The following KLF16 variants were observed in gnomAD, a reference collection of about 807,000 sequenced individuals.
KLF16 encodes the protein Krueppel-like factor 16.
A neutral mutation model predicts 6.1 loss-of-function variants in KLF16; 6 were observed. The ratio of observed to expected loss-of-function variants is 0.98; its 90% CI spans 0.54 to 1.93. KLF16 has a LOEUF of 1.93. Among genes scored for constraint, KLF16 ranks in the 30% most tolerant of loss-of-function variants. KLF16 has a pLI of 0.01. For synonymous variants in KLF16, 211 were observed against 176.5 expected, an observed-to-expected ratio of 1.20 and a Z score of -1.55; for missense variants, 355 against 363.8, an observed-to-expected ratio of 0.98 and a Z score of 0.20.
the KLF16 span, among the ~76,000 whole-genome samples, chr19:1,872,644 C>T: frequency 6.6e-3 from 1,000 of 152,310 alleles, 12 homozygotes; most frequent in African/African-American, 0.023. Context: ...GGGAGGTGCT[C>T]GCTGTCTGGC....
At chr19:1,867,969 C>T (rs1053245426), upstream of KLF16, among the ~76,000 whole-genome samples, 23 of 149,584 alleles carry the variant, frequency 1.5e-4, no homozygotes, top group Non-Finnish European at 2.8e-4. Context: ...TGTGCGTGCG[C>T]GCATGCACTG....
Position 1,854,378 on chromosome 19 carries a change from G to A in KLF16, c.*81C>T, listed in dbSNP as rs1342221037. ...TCAGGGTTTGCCCACGGCTGGAAGG[G>A]GCCCAGGCTCCCCGTGGGTCCTCAC... On this transcript the variant is annotated 3_prime_UTR_variant, in exon 2 of 2. Transcript: ENST00000250916. 2 of 1,357,504 alleles carry A rather than the reference G, an allele frequency of 1.5e-6. No individual in the cohort carries two copies. Among genetic ancestry groups the A allele is most frequent in the Non-Finnish European group, 9.4e-7 (1 of 1,062,146 alleles). The allele number at this position is 1,357,504 out of a possible 1,614,324, so 84.1% of individuals were successfully genotyped here.
chr19:1,860,844 A>G (rs1288606203), intron 1 of KLF16, among the ~76,000 whole-genome samples: 1 of 152,130 alleles, frequency 6.6e-6, no homozygotes, highest in Non-Finnish European at 1.5e-5. Flanking sequence ...GGAAAGCCAC[A>G]AGTATCCAAA....
the KLF16 span, among the ~76,000 whole-genome samples, chr19:1,874,674 T>C: frequency 7.8e-6 from 1 of 128,350 alleles, no homozygotes; most frequent in African/African-American, 3.0e-5. Flanking sequence ...CAAAGACTAA[T>C]GACAGATAGA....
the KLF16 span, among the ~76,000 whole-genome samples, chr19:1,871,479 C>T: frequency 2.0e-5 from 3 of 152,304 alleles, no homozygotes; most frequent in African/African-American, 4.8e-5. Context: ...AAGTCCCCAC[C>T]CCCCCGGGGC....
the KLF16 span, chr19:1,874,888 TTAAA>T: frequency 2.0e-5 from 3 of 152,038 alleles, no homozygotes; most frequent in Admixed American, 6.6e-5. Context: ...CAAATGGCTT[TTAAA>T]TAGTCAAACG....
In KLF16 at chr19:1,854,326, A is replaced by T; in HGVS notation, c.*133T>A. The T allele has an allele frequency of 8.8e-7, 1 of 1,138,794 alleles. No homozygotes were observed. The highest frequency in any genetic ancestry group is 1.1e-6 in the Non-Finnish European group (1 of 874,400). 70.5% of individuals were successfully genotyped at this position (1,138,794 alleles called of 1,614,324 possible). A position where few individuals can be genotyped will look rare whatever the true frequency, so the allele number is the denominator to read the frequency against. On this transcript the variant is annotated 3_prime_UTR_variant, in exon 2 of 2. Transcript: ENST00000250916. ...AGGTCCAGTCTCAGGCCCCCTCCTC[A>T]CTCTCTGGAGGGGGGCAGGGGTGTC... is the stretch of plus-strand genomic sequence containing the variant.
chr19:1,866,418 C>G (rs185499084), upstream of KLF16, among the ~76,000 whole-genome samples: 2 of 151,990 alleles, frequency 1.3e-5, no homozygotes, highest in Non-Finnish European at 2.9e-5. Context: ...CGAGACCAGC[C>G]TGACCAATAT....
chr19:1,861,708 G>C (rs542614014), intron 1 of KLF16: 1 of 152,308 alleles, frequency 6.6e-6, no homozygotes, highest in Admixed American at 6.5e-5. Context: ...AGAACAGAGA[G>C]GGGGCGGCCG....
At chr19:1,859,054 G>A (rs540978477) in intron 1 of KLF16, among the ~76,000 whole-genome samples, 3 of 152,188 alleles carry the variant, frequency 2.0e-5, no homozygotes, top group Admixed American at 2.0e-4. Context: ...GCGGTGGGTG[G>A]GGGAGGGCAG....
chr19:1,856,950 C>CGGGGGGGGGGGGGGGGGGGGGGGG (rs946961126), intron 1 of KLF16, among the ~76,000 whole-genome samples: 2 of 43,256 alleles, frequency 4.6e-5, no homozygotes, highest in Admixed American at 2.6e-4. Context: ...AGCAGGTTGC[C>CGGGGGGGGGGGGGGGGGGGGGGGG]GGGGTGGGGG....
chr19:1,863,065 T>C lies in KLF16; in HGVS notation c.433A>G (p.Lys145Glu). The C allele has an allele frequency of 7.1e-7, 1 of 1,405,096 alleles. No individual in the cohort carries two copies. The highest frequency in any genetic ancestry group is 9.4e-7 in the Non-Finnish European group (1 of 1,060,492). 87.0% of individuals were successfully genotyped at this position (1,405,096 alleles called of 1,614,324 possible). A position where few individuals can be genotyped will look rare whatever the true frequency, so the allele number is the denominator to read the frequency against. Reference sequence around the variant, plus strand: ...CCTGTGTGCGTCCGCAGGTGCGACTTTAGGTGCGAGGACTTGTAGTAGGCT... The same window carrying C: ...CCTGTGTGCGTCCGCAGGTGCGACTCTAGGTGCGAGGACTTGTAGTAGGCT... ...AKAYYKSSHL[K>E]SHLRTHTGER... The change falls in exon 1 of 2, where the codon AAG becomes GAG. Residue 145 changes from lysine to glutamate, a missense_variant. Coordinates refer to ENST00000250916, the MANE Select transcript of KLF16 (RefSeq NM_031918.4).
Position 1,854,884 on chromosome 19 carries a change from G to A in KLF16, c.458-124C>T. The A allele has an allele frequency of 2.9e-6, 3 of 1,025,678 alleles. No individual in the cohort carries two copies. In the South Asian group the frequency reaches 4.4e-5, roughly 15 times the overall value. The allele number at this position is 1,025,678 out of a possible 1,614,324, so 63.5% of individuals were successfully genotyped here. A position where few individuals can be genotyped will look rare whatever the true frequency, so the allele number is the denominator to read the frequency against. ...GTGCCGTTTTAGAGGCTGAGCTCTG[G>A]TGTGAGTTCAAAACATGGAGAAGCA... On this transcript the variant is annotated intron_variant, in intron 1 of 1. Transcript: ENST00000250916.
chr19:1,865,484 C>T (rs1000259883), upstream of KLF16, among the ~76,000 whole-genome samples: 6 of 152,240 alleles, frequency 3.9e-5, no homozygotes, highest in Admixed American at 3.9e-4. Context: ...GTTTCCTGGG[C>T]TTAGAGCAGA....
chr19:1,854,157 T>G lies in KLF16; in HGVS notation c.*302A>C. 50 of 304,804 alleles carry G rather than the reference T, an allele frequency of 1.6e-4. No homozygotes were observed. Among genetic ancestry groups the G allele is most frequent in the Non-Finnish European group, 1.9e-4 (32 of 167,768 alleles). 18.9% of individuals were successfully genotyped at this position (304,804 alleles called of 1,614,324 possible). On this transcript the variant is annotated 3_prime_UTR_variant, in exon 2 of 2. Transcript: ENST00000250916. Reference sequence around the variant, plus strand: ...ACCCCGGGAGGGGGGCAGCAGGGGGTGGTGGAGAGGAGAGGGGAGGACCTC... The same window carrying G: ...ACCCCGGGAGGGGGGCAGCAGGGGGGGGTGGAGAGGAGAGGGGAGGACCTC...
Position 1,854,640 on chromosome 19 carries a change from G to C in KLF16, c.578C>G (p.Ser193Cys). ...GEKRFSCPLC[S>C]KRFTRSDHLA... The stretch of plus-strand genomic sequence containing the variant: ...GTGGTCACTGCGGGTGAAGCGCTTG[G>C]AGCACAGAGGGCAGGAGAAGCGCTT... Residue 193 changes from serine (S) to cysteine (C), a missense_variant, in exon 2 of 2, where the codon TCC (serine) becomes TGC (cysteine). By Grantham distance (112) the Ser-to-Cys change is moderately radical. Transcript: ENST00000250916. 6.3e-7 allele frequency: 1 copy of C among 1,599,576 alleles called. No individual in the cohort carries two copies. The highest frequency in any genetic ancestry group is 8.5e-7 in the Non-Finnish European group (1 of 1,179,422).
At chr19:1,858,391 G>C (rs1231266225) in intron 1 of KLF16, among the ~76,000 whole-genome samples, 2 of 152,086 alleles carry the variant, frequency 1.3e-5, no homozygotes, top group Non-Finnish European at 2.9e-5. Flanking sequence ...TGCCCCCCAA[G>C]CACCCTTGGT....
In KLF16 at chr19:1,854,486, C is replaced by T. The variant is rs971035483; in HGVS notation, c.732G>A (p.Ala244=). 35 of 1,433,572 alleles carry T rather than the reference C, an allele frequency of 2.4e-5. No individual in the cohort carries two copies. Among genetic ancestry groups the T allele is most frequent in the African/African-American group, 3.0e-5 (2 of 66,276 alleles). The allele number at this position is 1,433,572 out of a possible 1,614,324, so 88.8% of individuals were successfully genotyped here. Residue 244 remains alanine, a synonymous_variant, in exon 2 of 2, where the codon GCG becomes GCA. Coordinates refer to ENST00000250916, the MANE Select transcript of KLF16 (RefSeq NM_031918.4). Reference sequence around the variant, plus strand: ...ACAGGCCTGCGGGGGCTGGGCTGGGCGCGGGGCTGGGCGCAGGGCTCCCGG... The same window carrying T: ...ACAGGCCTGCGGGGGCTGGGCTGGGTGCGGGGCTGGGCGCAGGGCTCCCGG... ...SLAGSPAPSP[A]PSPAPAGL
chr19:1,874,456 T>C, the KLF16 span, among the ~76,000 whole-genome samples: 1 of 152,090 alleles, frequency 6.6e-6, no homozygotes, highest in Non-Finnish European at 1.5e-5. Flanking sequence ...CCAGGAATAC[T>C]TTCTAAAATT....
Sources: gnomAD v4.1 joint callset for allele counts (sites outside exome capture counted in the v4.1 genomes callset) on GRCh38, gnomAD v4.1.1 for gene constraint, MANE v1.5 for transcripts, NCBI Gene and HGNC (gene_info 2026-07-23, HGNC 2026-07-21) for gene names.